PPIP5K2: variants seen among roughly 807,000 people sequenced by gnomAD.
PPIP5K2 encodes the protein diphosphoinositol pentakisphosphate kinase 2.
PPIP5K2 carries 105 observed loss-of-function variants against 154.6 expected under a neutral mutation model. The observed-to-expected ratio is 0.68, with a 90% confidence interval of 0.58 to 0.80. PPIP5K2 has a LOEUF of 0.80. PPIP5K2 is among the 30% of genes least tolerant of loss of function. The pLI is 0.00. For missense variants in PPIP5K2, 992 were observed against 1,504.6 expected, an observed-to-expected ratio of 0.66 and a Z score of 5.64; for synonymous variants, 480 against 490.3, an observed-to-expected ratio of 0.98 and a Z score of 0.28.
intron 27 of PPIP5K2, 142 bp downstream of exon 27, chr5:103,186,581 C>G (rs1354327237): frequency 8.9e-7 from 1 of 1,121,112 alleles, no homozygotes; most frequent in African/African-American, 1.5e-5. Context: ...TATCAGTGCT[C>G]TCTGTTATCT....
At position 103,177,750 on chromosome 5, in the gene PPIP5K2, C is replaced by T; in HGVS notation, c.2613C>T (p.Ile871=). The T allele has an allele frequency of 6.2e-7, 1 of 1,611,132 alleles. No homozygotes were observed. The highest frequency in any genetic ancestry group is 8.5e-7 in the Non-Finnish European group (1 of 1,178,166). ...NELNYMTQIV[I]MLYEDPNKDL... ...TCAACTACATGACTCAGATTGTTAT[C>T]ATGCTTTATGAGGATCCTAATAAGG... Residue 871 remains isoleucine, a synonymous_variant, in exon 22 of 31, where the codon ATC becomes ATT. Transcript: ENST00000358359.
chr5:103,142,229 C>T (rs567391526), intron 5 of PPIP5K2, among the ~76,000 whole-genome samples: 54 of 152,324 alleles, frequency 3.5e-4, no homozygotes, highest in African/African-American at 1.3e-3. Flanking sequence ...CGCCGGTGGG[C>T]TGGCACTGCC....
Position 103,206,847 on chromosome 5 carries a change from A to G in PPIP5K2, c.*5213A>G, listed in dbSNP as rs1432456314. The G allele has an allele frequency of 1.8e-4, 27 of 152,282 alleles. No individual in the cohort carries two copies. Among genetic ancestry groups the G allele is most frequent in the African/African-American group, 6.3e-4 (26 of 41,466 alleles). The allele number at this position is 152,282 out of a possible 1,614,324, so 9.4% of individuals were successfully genotyped here. A position where few individuals can be genotyped will look rare whatever the true frequency, so the allele number is the denominator to read the frequency against. ...GAAATTGTTTCACTGCTAAGGAGCA[A>G]TGAACAAAAGGTTCCTGCCATCTTA... On this transcript the variant is annotated 3_prime_UTR_variant, in exon 31 of 31. Coordinates refer to ENST00000358359, the MANE Select transcript of PPIP5K2 (RefSeq NM_001276277.3).
intron 30 of PPIP5K2, among the ~76,000 whole-genome samples, chr5:103,198,766 A>C (rs782377853): frequency 2.0e-5 from 3 of 152,216 alleles, no homozygotes; most frequent in African/African-American, 7.2e-5. Context: ...TGCAGTTTAC[A>C]GTTCATTAAC....
chr5:103,181,907 CAT>C (rs1554223045), intron 24 of PPIP5K2, among the ~76,000 whole-genome samples: 1 of 152,032 alleles, frequency 6.6e-6, no homozygotes, highest in Non-Finnish European at 1.5e-5. Flanking sequence ...TAATGGAAAT[CAT>C]ATAGTCGTTA....
intron 18 of PPIP5K2, 121 bp from the exon 19 acceptor site, chr5:103,167,950 CT>C: frequency 1.7e-6 from 1 of 605,602 alleles, no homozygotes; most frequent in Non-Finnish European, 2.8e-6. Context: ...CCTAAAGTAA[CT>C]CTCTAACTTC....
At position 103,167,209 on chromosome 5, in the gene PPIP5K2, A is replaced by G; in HGVS notation, c.1951A>G (p.Lys651Glu). The G allele has an allele frequency of 6.3e-7, 1 of 1,585,468 alleles. No homozygotes were observed. Among genetic ancestry groups the G allele is most frequent in the Non-Finnish European group, 8.6e-7 (1 of 1,164,972 alleles). Residue 651 changes from lysine to glutamate, a missense_variant, in exon 18 of 31, where the codon AAA becomes GAA. Lys to Glu is a moderately conservative substitution (Grantham distance 56). Coordinates refer to ENST00000358359, the MANE Select transcript of PPIP5K2 (RefSeq NM_001276277.3). Reference sequence around the variant, plus strand: ...TCCATCTGGAAGCATTTCTCTTATCAAATCAATGCATTTAATTAAAAACCC... The same window carrying G: ...TCCATCTGGAAGCATTTCTCTTATCGAATCAATGCATTTAATTAAAAACCC... ...LTPSGSISLIKSMHLIKNPVK... is the reference protein window; with the variant it reads ...LTPSGSISLIESMHLIKNPVK...
intron 17 of PPIP5K2, among the ~76,000 whole-genome samples, chr5:103,164,163 T>A (rs1796773618): frequency 6.6e-6 from 1 of 151,982 alleles, no homozygotes; most frequent in African/African-American, 2.4e-5. Flanking sequence ...TTATATTTTT[T>A]AGAAGTTTGT....
At chr5:103,173,021 A>C in intron 19 of PPIP5K2, 134 bp from the exon 20 acceptor site, 1 of 643,140 alleles carries the variant, frequency 1.6e-6, no homozygotes. Context: ...CAAAAAATGC[A>C]AACTCGGAGT....
At chr5:103,188,154 A>G (rs782431291) in intron 28 of PPIP5K2, among the ~76,000 whole-genome samples, 2 of 152,194 alleles carry the variant, frequency 1.3e-5, no homozygotes, top group Non-Finnish European at 2.9e-5. Flanking sequence ...AATTATTGCC[A>G]TTACAACTTC....
chr5:103,141,099 C>T (rs547273993), intron 5 of PPIP5K2, among the ~76,000 whole-genome samples: 92 of 152,190 alleles, frequency 6.0e-4, no homozygotes, highest in African/African-American at 2.0e-3. Flanking sequence ...TTTGGGAGGC[C>T]GAGGTGGGTG....
intron 18 of PPIP5K2, among the ~76,000 whole-genome samples, chr5:103,167,615 T>C (rs1797334853): frequency 6.6e-6 from 1 of 151,962 alleles, no homozygotes; most frequent in Non-Finnish European, 1.5e-5. Context: ...AACAGGAAAG[T>C]GATCTAGGCT....
chr5:103,143,626 A>G (rs1241382484), intron 5 of PPIP5K2, among the ~76,000 whole-genome samples: 2 of 152,248 alleles, frequency 1.3e-5, no homozygotes, highest in Admixed American at 6.5e-5. Context: ...AATTCTTGCA[A>G]CAAAACACTT....
intron 29 of PPIP5K2, among the ~76,000 whole-genome samples, chr5:103,191,503 T>A (rs1296396911): frequency 6.6e-6 from 1 of 152,068 alleles, no homozygotes; most frequent in Non-Finnish European, 1.5e-5. Flanking sequence ...AGAAAAGATG[T>A]TCATGGTTAA....
At chr5:103,191,312 C>T (rs985922656) in intron 29 of PPIP5K2, among the ~76,000 whole-genome samples, 30 of 152,076 alleles carry the variant, frequency 2.0e-4, no homozygotes, top group African/African-American at 6.5e-4. Flanking sequence ...CATTTTATAG[C>T]AAAGTTTTTT....
chr5:103,140,508 T>C (rs2149501270), intron 5 of PPIP5K2, among the ~76,000 whole-genome samples: 1 of 152,294 alleles, frequency 6.6e-6, no homozygotes, highest in East Asian at 1.9e-4. Flanking sequence ...GCATTCAAAG[T>C]GTTGAAGGAA....
chr5:103,177,638 A>G, intron 21 of PPIP5K2, 29 bp from the exon 22 acceptor site: 1 of 1,489,024 alleles, frequency 6.7e-7, no homozygotes. Context: ...AGTTTGAGAA[A>G]ATGATTACCA....
chr5:103,139,531 A>C (rs1792190626), intron 5 of PPIP5K2, among the ~76,000 whole-genome samples: 1 of 152,182 alleles, frequency 6.6e-6, no homozygotes, highest in Non-Finnish European at 1.5e-5. Context: ...TTTTTTGAAT[A>C]TGTGGAAAGC....
At chr5:103,132,081 G>A (rs1790714875) in intron 2 of PPIP5K2, among the ~76,000 whole-genome samples, 1 of 152,100 alleles carries the variant, frequency 6.6e-6, no homozygotes, top group Non-Finnish European at 1.5e-5. Context: ...GGAAAGCATT[G>A]AATAAGGGCA....
Sources: allele counts gnomAD v4.1 joint callset (sites outside exome capture counted in the v4.1 genomes callset), GRCh38; gene constraint gnomAD v4.1.1; transcripts MANE v1.5; gene names NCBI Gene and HGNC (gene_info 2026-07-23, HGNC 2026-07-21).